Variants in KIAA1671 observed in about 807,000 individuals in gnomAD.
KIAA1671 encodes the protein KIAA1671.
A neutral mutation model predicts 131.2 loss-of-function variants in KIAA1671; 52 were observed. The ratio of observed to expected loss-of-function variants is 0.40; its 90% CI spans 0.32 to 0.50. The LOEUF (loss-of-function observed/expected upper bound fraction) is 0.50, where lower values mean the gene tolerates loss of function less well. KIAA1671 is among the 20% of genes least tolerant of loss of function. The pLI, the probability that KIAA1671 is intolerant of heterozygous loss-of-function variation, is 0.73. For missense variants in KIAA1671, 2,360 were observed against 2,364.2 expected, an observed-to-expected ratio of 1.00 and a Z score of 0.04; for synonymous variants, 1,003 against 961.6, an observed-to-expected ratio of 1.04 and a Z score of -0.80.
intron 6 of KIAA1671, among the ~76,000 whole-genome samples, chr22:25,072,061 A>C (rs745405184): frequency 2.0e-5 from 3 of 152,104 alleles, no homozygotes; most frequent in African/African-American, 7.2e-5. Flanking sequence ...AGTTGATGCT[A>C]GGGTAGGGGT....
At chr22:25,065,796 C>T (rs905334366) in intron 6 of KIAA1671, among the ~76,000 whole-genome samples, 8 of 151,942 alleles carry the variant, frequency 5.3e-5, no homozygotes, top group South Asian at 2.1e-4. Context: ...CCTGCCACCA[C>T]GCCCGGCTAA....
At chr22:25,005,125 G>A (rs897957403) in intron 1 of KIAA1671, among the ~76,000 whole-genome samples, 1 of 151,062 alleles carries the variant, frequency 6.6e-6, no homozygotes, top group Non-Finnish European at 1.5e-5. Flanking sequence ...TGACGTGAGC[G>A]GGTTACAAAG....
chr22:25,024,871 T>C (rs1231499133), intron 1 of KIAA1671, among the ~76,000 whole-genome samples: 4 of 146,874 alleles, frequency 2.7e-5, no homozygotes, highest in Non-Finnish European at 6.1e-5. Context: ...AGTGTAGCTA[T>C]GCTAAGTCCT....
intron 6 of KIAA1671, among the ~76,000 whole-genome samples, chr22:25,159,194 G>A (rs1933350615): frequency 6.6e-6 from 1 of 152,118 alleles, no homozygotes; most frequent in African/African-American, 2.4e-5. Context: ...TCCCAGCCGG[G>A]AAACCAAATA....
intron 6 of KIAA1671, among the ~76,000 whole-genome samples, chr22:25,072,130 CAGAA>C (rs1384337971): frequency 1.3e-5 from 2 of 152,112 alleles, no homozygotes; most frequent in African/African-American, 2.4e-5. Context: ...GGGTGGATGT[CAGAA>C]AGAGCAAGAG....
intron 6 of KIAA1671, among the ~76,000 whole-genome samples, chr22:25,136,795 G>T (rs1231407127): frequency 6.6e-6 from 1 of 152,192 alleles, no homozygotes; most frequent in Admixed American, 6.5e-5. Context: ...TGCCTCTCAA[G>T]GCAGAACTTA....
At chr22:25,148,736 T>C (rs1261281546) in intron 6 of KIAA1671, among the ~76,000 whole-genome samples, 1 of 129,784 alleles carries the variant, frequency 7.7e-6, no homozygotes, top group Non-Finnish European at 1.6e-5. Context: ...TTAGAAGGGC[T>C]CAGCTGAGGT....
At chr22:25,147,616 T>TA (rs1206184280) in intron 6 of KIAA1671, among the ~76,000 whole-genome samples, 1 of 152,178 alleles carries the variant, frequency 6.6e-6, no homozygotes, top group Non-Finnish European at 1.5e-5. Flanking sequence ...GCTCAAATGT[T>TA]ACCTTTTCAC....
chr22:24,996,579 C>T (rs890070881), intron 1 of KIAA1671, among the ~76,000 whole-genome samples: 1 of 151,970 alleles, frequency 6.6e-6, no homozygotes, highest in African/African-American at 2.4e-5. Context: ...TGAGTTGTGA[C>T]TCATGCATCC....
intron 1 of KIAA1671, among the ~76,000 whole-genome samples, chr22:25,003,082 T>G (rs1924560724): frequency 6.6e-6 from 1 of 152,070 alleles, no homozygotes. Context: ...CTCTTTGGCA[T>G]TTGTTTTAAA....
intron 6 of KIAA1671, among the ~76,000 whole-genome samples, chr22:25,144,876 G>A (rs563471705): frequency 1.8e-4 from 27 of 151,192 alleles, no homozygotes; most frequent in African/African-American, 6.0e-4. Context: ...TACCTTTTCA[G>A]GGCTCTGGTG....
chr22:24,980,387 T>C (rs1444597199), intron 1 of KIAA1671, among the ~76,000 whole-genome samples: 1 of 151,626 alleles, frequency 6.6e-6, no homozygotes, highest in East Asian at 1.9e-4. Context: ...TTCTCCTGCC[T>C]TAGCCTCCTG....
intron 4 of KIAA1671, among the ~76,000 whole-genome samples, chr22:25,033,583 T>TTTTG (rs1555956636): frequency 1.6e-5 from 2 of 122,634 alleles, no homozygotes; most frequent in Non-Finnish European, 3.4e-5. Context: ...CGTTTTTTTT[T>TTTTG]TTTTTTTTTT....
At chr22:25,015,265 A>C (rs1464389634) in intron 1 of KIAA1671, among the ~76,000 whole-genome samples, 1 of 151,162 alleles carries the variant, frequency 6.6e-6, no homozygotes, top group Admixed American at 6.6e-5. Flanking sequence ...AGCAGCAGCA[A>C]CCATAGATAA....
intron 1 of KIAA1671, among the ~76,000 whole-genome samples, chr22:24,960,439 G>A (rs565246014): frequency 5.3e-5 from 8 of 151,256 alleles, no homozygotes; most frequent in South Asian, 4.2e-4. Flanking sequence ...CCAGCTACTC[G>A]GGAGGCTGAG....
At chr22:24,999,317 C>T (rs1924309944) in intron 1 of KIAA1671, among the ~76,000 whole-genome samples, 1 of 152,180 alleles carries the variant, frequency 6.6e-6, no homozygotes, top group Non-Finnish European at 1.5e-5. Context: ...TCACTGCAGC[C>T]TCAACCTCCT....
At chr22:24,981,270 C>T (rs1271852210) in intron 1 of KIAA1671, among the ~76,000 whole-genome samples, 1 of 152,130 alleles carries the variant, frequency 6.6e-6, no homozygotes, top group Non-Finnish European at 1.5e-5. Context: ...TGTTCTCCCT[C>T]ACTGGACTGT....
At chr22:25,072,678 C>T (rs1192085990) in intron 6 of KIAA1671, among the ~76,000 whole-genome samples, 1 of 152,204 alleles carries the variant, frequency 6.6e-6, no homozygotes. Context: ...AAGTCCATTT[C>T]AGCTTCCCAA....
At position 25,041,412 on chromosome 22, in the gene KIAA1671, G is replaced by A. The variant is rs4822557; in HGVS notation, c.4282G>A (p.Ala1428Thr). 7,676 of 1,551,764 alleles carry A rather than the reference G, an allele frequency of 4.9e-3. 644 individuals carry two copies. The Admixed American group carries it at 0.14, about 28-fold the overall frequency. The change falls in exon 5 of 13, where the codon GCC becomes ACC. Residue 1428 changes from alanine (A) to threonine (T), a missense_variant. Ala to Thr is a moderately conservative substitution (Grantham distance 58). Transcript: ENST00000358431. ...IREGLSIMHE[A>T]RERRREQPKG... is the part of the protein sequence containing the mutation. ...AGAGGGCCTGTCCATCATGCATGAA[G>A]CCAGAGAGAGGAGGCGAGAGCAGCC...
Sources: gnomAD v4.1 joint callset for allele counts (sites outside exome capture counted in the v4.1 genomes callset) on GRCh38, gnomAD v4.1.1 for gene constraint, MANE v1.5 for transcripts, NCBI Gene and HGNC (gene_info 2026-07-23, HGNC 2026-07-21) for gene names.